SUCLG2: variants seen among roughly 807,000 people sequenced by gnomAD.
SUCLG2 encodes succinate--CoA ligase [GDP-forming] subunit beta, mitochondrial.
A neutral mutation model predicts 47.9 loss-of-function variants in SUCLG2; 42 were observed. The ratio of observed to expected loss-of-function variants is 0.88; its 90% CI spans 0.69 to 1.14. SUCLG2 has a LOEUF of 1.14. SUCLG2 is among the 50% of genes most tolerant of loss of function. The pLI is 0.00. For missense variants in SUCLG2, 571 were observed against 525.9 expected, an observed-to-expected ratio of 1.09 and a Z score of -0.84; for synonymous variants, 195 against 197.3, an observed-to-expected ratio of 0.99 and a Z score of 0.10.
chr3:67,526,840 C>T (rs1334370628), intron 4 of SUCLG2, among the ~76,000 whole-genome samples: 2 of 152,140 alleles, frequency 1.3e-5, no homozygotes, highest in African/African-American at 4.8e-5. Context: ...AATTATCCCC[C>T]AAAATGAAGA....
downstream of SUCLG2, among the ~76,000 whole-genome samples, chr3:67,373,562 A>G (rs984868764): frequency 6.6e-6 from 1 of 152,108 alleles, no homozygotes; most frequent in African/African-American, 2.4e-5. Flanking sequence ...GCCTATATTT[A>G]TTGTATAGAA....
chr3:67,371,425 C>T (rs1182922829), downstream of SUCLG2, among the ~76,000 whole-genome samples: 1 of 152,138 alleles, frequency 6.6e-6, no homozygotes, highest in African/African-American at 2.4e-5. Context: ...GATAAAAGTG[C>T]CTCCAGCCTT....
chr3:67,519,209 C>A (rs1706031032), intron 5 of SUCLG2, among the ~76,000 whole-genome samples: 1 of 152,166 alleles, frequency 6.6e-6, no homozygotes, highest in African/African-American at 2.4e-5. Context: ...CATGTATACA[C>A]AGTCCCAGTC....
downstream of SUCLG2, among the ~76,000 whole-genome samples, chr3:67,372,107 C>T (rs1189376377): frequency 6.6e-6 from 1 of 152,146 alleles, no homozygotes; most frequent in African/African-American, 2.4e-5. Context: ...AATTAATTAG[C>T]ATTAGACTTT....
chr3:67,422,348 G>C (rs1388781750), intron 9 of SUCLG2, among the ~76,000 whole-genome samples: 1 of 150,986 alleles, frequency 6.6e-6, no homozygotes, highest in East Asian at 1.9e-4. Context: ...GGTGGTGTGC[G>C]CCTGTAGCCC....
chr3:67,418,010 T>A (rs1177183828), intron 9 of SUCLG2, among the ~76,000 whole-genome samples: 1 of 152,148 alleles, frequency 6.6e-6, no homozygotes, highest in Non-Finnish European at 1.5e-5. Context: ...CAAAGATAAA[T>A]AATACATGAT....
intron 2 of SUCLG2, among the ~76,000 whole-genome samples, chr3:67,543,495 T>C (rs1706774522): frequency 1.3e-5 from 2 of 151,996 alleles, no homozygotes; most frequent in Admixed American, 1.3e-4. Flanking sequence ...GGTGAAACCC[T>C]GTCTCTACAA....
chr3:67,495,084 C>A (rs1705296572), intron 9 of SUCLG2, among the ~76,000 whole-genome samples: 1 of 152,116 alleles, frequency 6.6e-6, no homozygotes, highest in Admixed American at 6.5e-5. Flanking sequence ...GATTTTTGAT[C>A]CCATAACCCT....
chr3:67,406,934 C>A (rs1702826133), intron 9 of SUCLG2, among the ~76,000 whole-genome samples: 1 of 152,014 alleles, frequency 6.6e-6, no homozygotes, highest in Non-Finnish European at 1.5e-5. Context: ...CAGTTCAAAC[C>A]AACACTGTTT....
At chr3:67,502,435 C>G (rs1017373927) in intron 7 of SUCLG2, among the ~76,000 whole-genome samples, 4 of 152,192 alleles carry the variant, frequency 2.6e-5, no homozygotes, top group African/African-American at 9.7e-5. Context: ...CCTGGCACTT[C>G]CTAGCCAGCT....
chr3:67,497,389 A>T (rs1705375511), intron 8 of SUCLG2, among the ~76,000 whole-genome samples: 1 of 152,192 alleles, frequency 6.6e-6, no homozygotes, highest in Non-Finnish European at 1.5e-5. Flanking sequence ...AAGCATATAA[A>T]TCTGAGCACT....
At chr3:67,387,196 C>T (rs1041916687) in intron 10 of SUCLG2, among the ~76,000 whole-genome samples, 1 of 152,024 alleles carries the variant, frequency 6.6e-6, no homozygotes, top group Non-Finnish European at 1.5e-5. Flanking sequence ...GTAAATGCAG[C>T]ATAATTGATC....
intron 9 of SUCLG2, among the ~76,000 whole-genome samples, chr3:67,410,153 T>A (rs1702903343): frequency 6.6e-6 from 1 of 152,184 alleles, no homozygotes; most frequent in Admixed American, 6.6e-5. Context: ...CAGGAGCTGG[T>A]ATGTTTGTGG....
intron 2 of SUCLG2, among the ~76,000 whole-genome samples, chr3:67,532,769 G>C (rs1007467453): frequency 6.6e-6 from 1 of 152,102 alleles, no homozygotes; most frequent in Non-Finnish European, 1.5e-5. Flanking sequence ...TATTTAGAGC[G>C]ATTTAAAAAG....
At chr3:67,387,081 T>C (rs1702275793) in intron 10 of SUCLG2, among the ~76,000 whole-genome samples, 2 of 152,080 alleles carry the variant, frequency 1.3e-5, no homozygotes, top group Admixed American at 6.6e-5. Context: ...ATGGACTTAA[T>C]AGAAATAATA....
At position 67,500,925 on chromosome 3, in the gene SUCLG2, T is replaced by C. The variant is rs1451646202; in HGVS notation, c.758-2630A>G. Among the ~76,000 whole-genome samples the C allele has an allele frequency of 3.3e-5, 5 of 152,202 alleles. No individual in the cohort carries two copies. The South Asian group carries it at 8.3e-4, about 25-fold the overall frequency. Reference sequence around the variant, plus strand: ...GCTGCTTCAGAGAGAGAATAATTAATGGGTATGTATTCAAAGTTCAAAAGG... The same window carrying C: ...GCTGCTTCAGAGAGAGAATAATTAACGGGTATGTATTCAAAGTTCAAAAGG... On this transcript the variant is annotated intron_variant, in intron 7 of 10. Transcript: ENST00000307227.
At chr3:67,654,343 C>T (rs1012552272) in intron 1 of SUCLG2, among the ~76,000 whole-genome samples, 160 bp downstream of exon 1, 4 of 152,168 alleles carry the variant, frequency 2.6e-5, no homozygotes, top group Non-Finnish European at 5.9e-5. Context: ...GAGCGGGGTT[C>T]CCTGCTGCGC....
chr3:67,610,737 A>T (rs1384016577), intron 1 of SUCLG2, among the ~76,000 whole-genome samples: 1 of 152,212 alleles, frequency 6.6e-6, no homozygotes, highest in Non-Finnish European at 1.5e-5. Context: ...TGTCCAAGGC[A>T]GTGTCACACA....
intron 9 of SUCLG2, among the ~76,000 whole-genome samples, chr3:67,414,946 C>G (rs748338392): frequency 3.9e-5 from 6 of 152,160 alleles, no homozygotes; most frequent in Non-Finnish European, 8.8e-5. Flanking sequence ...GACTTGACCT[C>G]TCAGGCTCAA....
Sources: gnomAD v4.1 joint callset for allele counts (sites outside exome capture counted in the v4.1 genomes callset) on GRCh38, gnomAD v4.1.1 for gene constraint, MANE v1.5 for transcripts, NCBI Gene and HGNC (gene_info 2026-07-23, HGNC 2026-07-21) for gene names.